Variants in SLIT2 observed in about 807,000 individuals in gnomAD.
The protein encoded by SLIT2 is slit guidance ligand 2, also known as slit homolog 2 protein.
Under a neutral mutation model 185.7 loss-of-function variants are expected in SLIT2, and 41 were observed. The observed-to-expected ratio is 0.22, with a 90% CI of 0.17 to 0.29. The LOEUF is 0.29. Among genes scored for constraint, SLIT2 ranks in the 10% least tolerant of loss-of-function variants. The pLI is 1.00. For synonymous variants in SLIT2, 693 were observed against 680.2 expected (o/e 1.02, Z -0.29); for missense variants, 1,571 against 1,909.0 (o/e 0.82, Z 3.30).
chr4:20,256,316 T>G (rs10012018), intron 1 of SLIT2, among the ~76,000 whole-genome samples: 45,144 of 149,416 alleles, frequency 0.3, 7,070 homozygotes, highest in Middle Eastern at 0.39. Flanking sequence ...ACTTTTTTTT[T>G]GGGGGGGGTG....
intron 5 of SLIT2, among the ~76,000 whole-genome samples, chr4:20,476,967 T>C (rs1288789599): frequency 6.6e-6 from 1 of 152,116 alleles, no homozygotes. Context: ...GGATAAATTA[T>C]TTTTAGTATT....
chr4:20,364,639 A>T (rs1560355580), intron 4 of SLIT2, among the ~76,000 whole-genome samples: 1 of 152,102 alleles, frequency 6.6e-6, no homozygotes, highest in Non-Finnish European at 1.5e-5. Context: ...GAAAAACTTG[A>T]TCCATCTTTT....
intron 29 of SLIT2, among the ~76,000 whole-genome samples, chr4:20,569,520 A>T (rs1176001239): frequency 1.3e-5 from 2 of 151,850 alleles, no homozygotes; most frequent in Non-Finnish European, 2.9e-5. Context: ...TTTTTCTAAC[A>T]CTTTTGTTTC....
chr4:20,513,937 G>T (rs956515717), intron 11 of SLIT2, among the ~76,000 whole-genome samples: 1 of 152,168 alleles, frequency 6.6e-6, no homozygotes, highest in African/African-American at 2.4e-5. Context: ...CTACTGGAGA[G>T]TAGTGGGTGC....
chr4:20,591,929 C>A (rs550348455), intron 30 of SLIT2, among the ~76,000 whole-genome samples: 1 of 152,210 alleles, frequency 6.6e-6, no homozygotes, highest in East Asian at 1.9e-4. Context: ...ATTAGACACT[C>A]TTAAAAGTGC....
intron 4 of SLIT2, among the ~76,000 whole-genome samples, chr4:20,395,795 T>C (rs1295855493): frequency 2.0e-5 from 3 of 151,920 alleles, no homozygotes; most frequent in African/African-American, 7.2e-5. Flanking sequence ...CCCTAACTTA[T>C]ACCTTTATTA....
chr4:20,255,796 A>G lies in SLIT2; in HGVS notation c.180-876A>G, dbSNP rs147529649. On this transcript the variant is annotated intron_variant, in intron 1 of 36. Coordinates refer to ENST00000504154, the MANE Select transcript of SLIT2 (RefSeq NM_004787.4). ...ACTGGGTGCTGACTTGTAAAATTCT[A>G]TCATTGAAACAGTTTGAATACAGAT... 1.4e-4 allele frequency among the ~76,000 whole-genome samples: 22 copies of G among 152,312 alleles called. No individual in the cohort carries two copies. In the East Asian group the frequency reaches 3.9e-3, roughly 27 times the overall value.
At chr4:20,331,774 A>G (rs1720088117) in intron 4 of SLIT2, among the ~76,000 whole-genome samples, 1 of 152,038 alleles carries the variant, frequency 6.6e-6, no homozygotes, top group Non-Finnish European at 1.5e-5. Flanking sequence ...CCCAGTACCC[A>G]TTGCCAGTCA....
intron 4 of SLIT2, among the ~76,000 whole-genome samples, chr4:20,366,084 A>G (rs1723094144): frequency 6.6e-6 from 1 of 152,152 alleles, no homozygotes; most frequent in Non-Finnish European, 1.5e-5. Flanking sequence ...GTCTGGAAGC[A>G]GAAGCTGAAA....
intron 9 of SLIT2, among the ~76,000 whole-genome samples, chr4:20,504,714 A>G (rs1459690010): frequency 3.3e-5 from 5 of 152,120 alleles, no homozygotes; most frequent in Admixed American, 1.3e-4. Flanking sequence ...ATATATACAC[A>G]TATAATTTTA....
intron 4 of SLIT2, among the ~76,000 whole-genome samples, chr4:20,386,841 C>T (rs771476620): frequency 3.9e-5 from 6 of 152,156 alleles, no homozygotes; most frequent in Admixed American, 6.5e-5. Flanking sequence ...ACTGGAAGAA[C>T]GGAATTGTAG....
chr4:20,457,588 C>T lies in SLIT2; in HGVS notation c.396-10164C>T, dbSNP rs149930114. Among the ~76,000 whole-genome samples the T allele has an allele frequency of 3.0e-4, 46 of 152,044 alleles. No individual in the cohort carries two copies. The East Asian group carries it at 8.1e-3, about 27-fold the overall frequency. On this transcript the variant is annotated intron_variant, in intron 4 of 36. Transcript: ENST00000504154. Reference sequence around the variant, plus strand: ...CAACACTTCAAGCAGTAACAGAGTACATTTCCCCCTTTATTATTTCAAAAC... The same window carrying T: ...CAACACTTCAAGCAGTAACAGAGTATATTTCCCCCTTTATTATTTCAAAAC...
intron 4 of SLIT2, among the ~76,000 whole-genome samples, chr4:20,438,091 G>A (rs1309090868): frequency 3.3e-5 from 5 of 152,034 alleles, no homozygotes; most frequent in East Asian, 3.9e-4. Context: ...CACTCACCCC[G>A]TTTCTGGAAT....
intron 4 of SLIT2, among the ~76,000 whole-genome samples, chr4:20,305,291 G>GA (rs1717434201): frequency 1.3e-5 from 2 of 152,228 alleles, no homozygotes; most frequent in South Asian, 4.1e-4. Context: ...AAAAAGAACA[G>GA]AAAATAAATG....
chr4:20,252,790 A>G lies in SLIT2; in HGVS notation c.-1026A>G, dbSNP rs991542892. 1.3e-5 allele frequency among the ~76,000 whole-genome samples: 2 copies of G among 152,040 alleles called. No homozygotes were observed. The highest frequency in any genetic ancestry group is 2.4e-5 in the African/African-American group (1 of 41,404). ...ACCTGCCACCGAGCCATTCTCCAGT[A>G]CGCCCCAGCAGGACGCTGACACCTC... On this transcript the variant is annotated 5_prime_UTR_variant, in exon 1 of 37. Coordinates refer to ENST00000504154, the MANE Select transcript of SLIT2 (RefSeq NM_004787.4).
At chr4:20,321,522 C>A (rs1431821054) in intron 4 of SLIT2, among the ~76,000 whole-genome samples, 2 of 152,146 alleles carry the variant, frequency 1.3e-5, no homozygotes, top group Non-Finnish European at 2.9e-5. Context: ...GGCCAAGAGA[C>A]CTAAACACAT....
Position 20,544,215 on chromosome 4 carries a change from T to TAA in SLIT2, c.2276+1595_2276+1596dup, listed in dbSNP as rs1256633671. ...AAGCAGAGATAGTTAAAATAAAAAATAAAAAAAGAATATTCTGTGTCCAAA... is the reference window on the plus strand; with the variant it reads ...AAGCAGAGATAGTTAAAATAAAAAATAAAAAAAAAGAATATTCTGTGTCCAAA... On this transcript the variant is annotated intron_variant, in intron 21 of 36. Transcript: ENST00000504154. Among the ~76,000 whole-genome samples, 3 of 152,060 alleles carry TAA rather than the reference T, an allele frequency of 2.0e-5. No individual in the cohort carries two copies. In the South Asian group the frequency reaches 6.2e-4, roughly 32 times the overall value.
In SLIT2 at chr4:20,468,609, C is replaced by G. The variant is rs559181015; in HGVS notation, c.467+786C>G. 1.4e-4 allele frequency among the ~76,000 whole-genome samples: 21 copies of G among 152,096 alleles called. No homozygotes were observed. In the East Asian group the frequency reaches 4.1e-3, roughly 29 times the overall value. ...TCAGTGACAATCATAATATCAATAT[C>G]TCTCTAAATTTTAAAATACTATATT... On this transcript the variant is annotated intron_variant, in intron 5 of 36. Transcript: ENST00000504154.
intron 4 of SLIT2, among the ~76,000 whole-genome samples, chr4:20,373,315 G>A (rs1175084559): frequency 6.6e-6 from 1 of 151,972 alleles, no homozygotes; most frequent in Non-Finnish European, 1.5e-5. Context: ...ACAATTATAT[G>A]TAACATGAAT....
Sources: allele counts gnomAD v4.1 joint callset (sites outside exome capture counted in the v4.1 genomes callset), GRCh38; gene constraint gnomAD v4.1.1; transcripts MANE v1.5; gene names NCBI Gene and HGNC (gene_info 2026-07-23, HGNC 2026-07-21).